The following RTRAF variants were observed in gnomAD, a reference collection of about 807,000 sequenced individuals.
RTRAF encodes RNA transcription, translation and transport factor.
A neutral mutation model predicts 34.4 loss-of-function variants in RTRAF; 14 were observed. The ratio of observed to expected loss-of-function variants is 0.41; its 90% CI spans 0.27 to 0.64. The LOEUF (loss-of-function observed/expected upper bound fraction) is 0.64, where lower values mean the gene tolerates loss of function less well. Ranked by LOEUF, RTRAF falls within the 30% of genes least tolerant of loss-of-function variation. RTRAF has a pLI of 0.34. For missense variants in RTRAF, 291 were observed against 288.4 expected, an observed-to-expected ratio of 1.01 and a Z score of -0.06; for synonymous variants, 96 against 95.3, an observed-to-expected ratio of 1.01 and a Z score of -0.04.
chr14:51,989,761 G>T, intron 1 of RTRAF, 61 bp downstream of exon 1: 1 of 1,502,400 alleles, frequency 6.7e-7, no homozygotes, highest in Non-Finnish European at 9.0e-7. Context: ...CCCAGCCTCA[G>T]TGCCCGCACC....
At chr14:51,992,049 G>C (rs145413241) in intron 2 of RTRAF, among the ~76,000 whole-genome samples, 1 of 152,116 alleles carries the variant, frequency 6.6e-6, no homozygotes, top group Admixed American at 6.5e-5. Flanking sequence ...CAAGACTGTC[G>C]TGTTTATGCT....
chr14:51,989,780 C>G, intron 1 of RTRAF, 80 bp downstream of exon 1: 1 of 1,399,404 alleles, frequency 7.1e-7, no homozygotes, highest in Non-Finnish European at 9.7e-7. Flanking sequence ...CCCCACCTCC[C>G]CGTCGGGACC....
intron 2 of RTRAF, among the ~76,000 whole-genome samples, chr14:51,993,152 T>C (rs978106466): frequency 1.3e-5 from 2 of 152,130 alleles, no homozygotes; most frequent in Non-Finnish European, 2.9e-5. Context: ...TAAACAGTTA[T>C]TATCCTTCAA....
Position 51,993,832 on chromosome 14 carries a change from G to A in RTRAF, c.286+10G>A, listed in dbSNP as rs543450936. 2 of 1,456,568 alleles carry A rather than the reference G, an allele frequency of 1.4e-6. No homozygotes were observed. The highest frequency in any genetic ancestry group is 2.0e-5 in the Admixed American group (1 of 50,684). 90.2% of individuals were successfully genotyped at this position (1,456,568 alleles called of 1,614,324 possible). ...GAATATGGAGATAATGGTACGTTTT[G>A]TGGGGAATGTGTATTTTAAAGAGAG... On this transcript the variant is annotated intron_variant, in intron 3 of 7. Transcript: ENST00000261700.
At chr14:51,999,029 A>G (rs962957151) in intron 4 of RTRAF, among the ~76,000 whole-genome samples, 7 of 152,002 alleles carry the variant, frequency 4.6e-5, no homozygotes, top group African/African-American at 1.7e-4. Flanking sequence ...ATTGTGACCT[A>G]TAATTTAGGA....
Position 51,989,693 on chromosome 14 carries a change from C to G in RTRAF, c.54C>G (p.Asn18Lys). 6.2e-7 allele frequency: 1 copy of G among 1,603,820 alleles called. No individual in the cohort carries two copies. The highest frequency in any genetic ancestry group is 8.5e-7 in the Non-Finnish European group (1 of 1,175,674). Residue 18 changes from asparagine to lysine, a missense_variant, in exon 1 of 8, where the codon AAC (asparagine) becomes AAG (lysine). Physicochemically the swap from Asn to Lys is moderately conservative, Grantham distance 94. Transcript: ENST00000261700. Reference sequence around the variant, plus strand: ...ACTACCACAACCCCGCCGGCTTCAACTGCAAAGGTGAGGCGGCGGCCTCAG... The same window carrying G: ...ACTACCACAACCCCGCCGGCTTCAAGTGCAAAGGTGAGGCGGCGGCCTCAG... Reference protein sequence around the residue: ...ALDYHNPAGFNCKDETEFRNF... With the variant: ...ALDYHNPAGFKCKDETEFRNF...
In RTRAF at chr14:52,006,757, G is replaced by A. The variant is rs535662615; in HGVS notation, c.*2241G>A. 3.0e-6 allele frequency: 4 copies of A among 1,338,222 alleles called. No homozygotes were observed. Among genetic ancestry groups the A allele is most frequent in the Admixed American group, 1.9e-5 (1 of 51,680 alleles). 82.9% of individuals were successfully genotyped at this position (1,338,222 alleles called of 1,614,324 possible). On this transcript the variant is annotated 3_prime_UTR_variant, in exon 8 of 8. Coordinates refer to ENST00000261700, the MANE Select transcript of RTRAF (RefSeq NM_016039.3). ...GACACAGTGATAGAATGGGGAAATA[G>A]GATATTTTACTTCCATTACAGTCAT...
Position 52,006,202 on chromosome 14 carries a change from A to C in RTRAF, c.*1686A>C, listed in dbSNP as rs1890774802. On this transcript the variant is annotated 3_prime_UTR_variant, in exon 8 of 8. Transcript: ENST00000261700. ...GTCAAAAGCCAACTTAAGCCCTGTAATATAGCTCATGGTATCAAGGGTAGT... is the reference window on the plus strand; with the variant it reads ...GTCAAAAGCCAACTTAAGCCCTGTACTATAGCTCATGGTATCAAGGGTAGT... The C allele has an allele frequency of 1.3e-5, 5 of 396,582 alleles. No individual in the cohort carries two copies. The highest frequency in any genetic ancestry group is 2.0e-5 in the African/African-American group (1 of 49,664). 24.6% of individuals were successfully genotyped at this position (396,582 alleles called of 1,614,324 possible). A position where few individuals can be genotyped will look rare whatever the true frequency, so the allele number is the denominator to read the frequency against.
chr14:52,004,094 G>A (rs1890660556), intron 6 of RTRAF, 100 bp from the exon 7 acceptor site: 3 of 1,029,450 alleles, frequency 2.9e-6, no homozygotes, highest in South Asian at 1.4e-5. Flanking sequence ...AGCTAAAAGA[G>A]TTAAGACACC....
rs944890121 is a variant in RTRAF at position 51,991,251 on chromosome 14, A to G, written c.62-66A>G. 1.1e-5 allele frequency: 16 copies of G among 1,496,564 alleles called. No individual in the cohort carries two copies. The African/African-American group carries it at 1.7e-4, about 16-fold the overall frequency. The allele number at this position is 1,496,564 out of a possible 1,614,324, so 92.7% of individuals were successfully genotyped here. On this transcript the variant is annotated intron_variant, in intron 1 of 7. Transcript: ENST00000261700. ...ATTCCACAAGAACATATATCTGAAC[A>G]TATACCTGAGAAGGAGGTATTTTAT...
In RTRAF at chr14:52,004,242, G is replaced by GGTAA. The variant is rs768534310; in HGVS notation, c.580+3_580+6dup. Reference sequence around the variant, plus strand: ...ACATATTCTTGGTTTTGACACAGGAGGTAAGTGATTTTGTTTAAATTCAAA... The same window carrying GGTAA: ...ACATATTCTTGGTTTTGACACAGGAGGTAAGTAAGTGATTTTGTTTAAATTCAAA... On this transcript the variant is annotated frameshift_variant and splice_region_variant. Transcript: ENST00000261700. LOFTEE classifies it high-confidence loss of function. 9 of 1,613,152 alleles carry GGTAA rather than the reference G, an allele frequency of 5.6e-6. No individual in the cohort carries two copies. Among genetic ancestry groups the GGTAA allele is most frequent in the African/African-American group, 2.7e-5 (2 of 74,852 alleles).
rs1289974016 is a variant in RTRAF at position 52,005,283 on chromosome 14, AC to A, written c.*769del. The A allele has an allele frequency of 2.4e-6, 1 of 415,298 alleles. No individual in the cohort carries two copies. Among genetic ancestry groups the A allele is most frequent in the Non-Finnish European group, 4.2e-6 (1 of 238,120 alleles). 25.7% of individuals were successfully genotyped at this position (415,298 alleles called of 1,614,324 possible). A position where few individuals can be genotyped will look rare whatever the true frequency, so the allele number is the denominator to read the frequency against. ...TTACCTTTTTAAACTTGCAATAACA[AC>A]CTTCATTTTTAAAAATACAGTAGTA... On this transcript the variant is annotated 3_prime_UTR_variant, in exon 8 of 8. Transcript: ENST00000261700.
chr14:52,003,830 G>A (rs1890654042), intron 6 of RTRAF, among the ~76,000 whole-genome samples: 2 of 152,192 alleles, frequency 1.3e-5, no homozygotes, highest in South Asian at 4.1e-4. Flanking sequence ...CGTTTATACT[G>A]TTGCTTACTG....
Position 52,004,791 on chromosome 14 carries a change from A to G in RTRAF, c.*275A>G, listed in dbSNP as rs1890689941. On this transcript the variant is annotated 3_prime_UTR_variant, in exon 8 of 8. Coordinates refer to ENST00000261700, the MANE Select transcript of RTRAF (RefSeq NM_016039.3). ...CCCAGCTTTGTCCTAGAGACAATAT[A>G]GATCCTTAAGTCATAGGAAAACTTA... 3 of 289,608 alleles carry G rather than the reference A, an allele frequency of 1.0e-5. No homozygotes were observed. The highest frequency in any genetic ancestry group is 1.3e-5 in the Non-Finnish European group (2 of 158,230). 17.9% of individuals were successfully genotyped at this position (289,608 alleles called of 1,614,324 possible). A position where few individuals can be genotyped will look rare whatever the true frequency, so the allele number is the denominator to read the frequency against.
At chr14:52,000,917 C>T (rs1890591925) in intron 5 of RTRAF, among the ~76,000 whole-genome samples, 1 of 152,118 alleles carries the variant, frequency 6.6e-6, no homozygotes, top group South Asian at 2.1e-4. Context: ...AAGTATAAAT[C>T]AACTACAACA....
chr14:51,993,065 A>G (rs1182931626), intron 2 of RTRAF, among the ~76,000 whole-genome samples: 1 of 152,148 alleles, frequency 6.6e-6, no homozygotes, highest in African/African-American at 2.4e-5. Flanking sequence ...GTGTGTATAT[A>G]TGTACATATA....
At chr14:52,004,171 A>G (rs1151574) in intron 6 of RTRAF, 23 bp from the exon 7 acceptor site, 212,385 of 1,596,280 alleles carry the variant, frequency 0.13, 15,800 homozygotes, top group African/African-American at 0.27. Context: ...AAATACTCTC[A>G]TTTTGTCTTT....
rs1355418208 is a variant in RTRAF at position 52,009,504 on chromosome 14, C to A, written c.*4988C>A. The A allele has an allele frequency of 1.3e-5, 2 of 152,270 alleles. No homozygotes were observed. The highest frequency in any genetic ancestry group is 3.9e-4 in the East Asian group (2 of 5,184). The allele number at this position is 152,270 out of a possible 1,614,324, so 9.4% of individuals were successfully genotyped here. ...TGCAACCTGGTTCAAGGTGGGTTTT[C>A]TTTTTATTAAAAATTCAAGTCCTTT... is the stretch of plus-strand genomic sequence containing the variant. On this transcript the variant is annotated 3_prime_UTR_variant, in exon 8 of 8. Coordinates refer to ENST00000261700, the MANE Select transcript of RTRAF (RefSeq NM_016039.3).
rs374790952 is a variant in RTRAF at position 52,007,848 on chromosome 14, A to G, written c.*3332A>G. The stretch of plus-strand genomic sequence containing the variant: ...GCAGAGCAGTTTAGAGAAAGGGTCA[A>G]AGGTTAAGCCATTGGGCAATCCAAT... On this transcript the variant is annotated 3_prime_UTR_variant, in exon 8 of 8. Coordinates refer to ENST00000261700, the MANE Select transcript of RTRAF (RefSeq NM_016039.3). 4 of 1,613,990 alleles carry G rather than the reference A, an allele frequency of 2.5e-6. No homozygotes were observed. The highest frequency in any genetic ancestry group is 1.3e-5 in the African/African-American group (1 of 75,056).
Sources: allele counts gnomAD v4.1 joint callset (sites outside exome capture counted in the v4.1 genomes callset), GRCh38; gene constraint gnomAD v4.1.1; transcripts MANE v1.5; gene names NCBI Gene and HGNC (gene_info 2026-07-23, HGNC 2026-07-21).